ZNRF2: variants seen among roughly 807,000 people sequenced by gnomAD.
ZNRF2 encodes zinc and ring finger 2.
A neutral mutation model predicts 20.4 loss-of-function variants in ZNRF2; 16 were observed. The ratio of observed to expected loss-of-function variants is 0.79; its 90% confidence interval spans 0.53 to 1.19. The LOEUF (loss-of-function observed/expected upper bound fraction) is 1.19, where lower values mean the gene tolerates loss of function less well. Among genes scored for constraint, ZNRF2 ranks in the 50% most tolerant of loss-of-function variants. The pLI is 0.00. For synonymous variants in ZNRF2, 178 were observed against 144.9 expected, an observed-to-expected ratio of 1.23 and a Z score of -1.64; for missense variants, 363 against 332.4, an observed-to-expected ratio of 1.09 and a Z score of -0.72.
At chr7:30,308,025 C>G (rs2128059394) in intron 1 of ZNRF2, among the ~76,000 whole-genome samples, 1 of 152,262 alleles carries the variant, frequency 6.6e-6, no homozygotes, top group Non-Finnish European at 1.5e-5. Flanking sequence ...CAGAAATCCT[C>G]CCCTTTGTTT....
rs766732305 is a variant in ZNRF2, at chr7:30,367,469, G to A, written c.*1457G>A. On this transcript the variant is annotated 3_prime_UTR_variant, in exon 5 of 5. Coordinates refer to ENST00000323037, the MANE Select transcript of ZNRF2 (RefSeq NM_147128.4). ...ACTTGGTATAATTTAAAGTTGCACA[G>A]TAAGTACTGTTTCCTTATTTTAATC... 3.3e-5 allele frequency: 5 copies of A among 152,272 alleles called. No homozygotes were observed. Among genetic ancestry groups the A allele is most frequent in the Admixed American group, 6.6e-5 (1 of 15,246 alleles). The allele number at this position is 152,272 out of a possible 1,614,324, so 9.4% of individuals were successfully genotyped here.
intron 2 of ZNRF2, among the ~76,000 whole-genome samples, chr7:30,354,399 C>T (rs1403422203): frequency 1.3e-5 from 2 of 152,172 alleles, no homozygotes; most frequent in African/African-American, 2.4e-5. Flanking sequence ...TTACCTCCTC[C>T]AGCATTCTGA....
At chr7:30,333,839 C>T (rs749408842) in intron 2 of ZNRF2, among the ~76,000 whole-genome samples, 3 of 152,046 alleles carry the variant, frequency 2.0e-5, no homozygotes, top group Non-Finnish European at 4.4e-5. Context: ...TTGCCCACTT[C>T]TTAAGGGGGT....
chr7:30,295,050 AGTGTGTGT>A (rs71536219), intron 1 of ZNRF2, among the ~76,000 whole-genome samples: 476 of 38,088 alleles, frequency 0.012, 14 homozygotes, highest in African/African-American at 0.046. Flanking sequence ...AGAGAGAGAG[AGTGTGTGT>A]GTGTGTGTGT....
intron 1 of ZNRF2, among the ~76,000 whole-genome samples, chr7:30,307,316 GTTTT>G (rs372358892): frequency 2.9e-5 from 2 of 68,096 alleles, no homozygotes; most frequent in South Asian, 1.1e-3. Flanking sequence ...TCTTTCTGCT[GTTTT>G]TTTTTGTTTT....
intron 1 of ZNRF2, among the ~76,000 whole-genome samples, chr7:30,293,591 C>T (rs560399394): frequency 6.6e-6 from 1 of 152,282 alleles, no homozygotes; most frequent in East Asian, 1.9e-4. Flanking sequence ...AACAAAGATA[C>T]ACTTTTGTTC....
intron 2 of ZNRF2, among the ~76,000 whole-genome samples, chr7:30,334,325 A>T (rs1259666701): frequency 6.6e-6 from 1 of 152,016 alleles, no homozygotes; most frequent in Non-Finnish European, 1.5e-5. Flanking sequence ...TTTATTTCAG[A>T]GGTCTCTAGT....
rs892027618 is a variant in ZNRF2, at chr7:30,366,429, CTT to C, written c.*419_*420del. ...TGTTTTGTTTTTTAATTTGGGGTCT[CTT>C]TGTTTTCCCCAACATAATGTTCATA... On this transcript the variant is annotated 3_prime_UTR_variant, in exon 5 of 5. Transcript: ENST00000323037. 1 of 152,538 alleles carries C rather than the reference CTT, an allele frequency of 6.6e-6. No individual in the cohort carries two copies. The highest frequency in any genetic ancestry group is 1.5e-5 in the Non-Finnish European group (1 of 67,984). 9.4% of individuals were successfully genotyped at this position (152,538 alleles called of 1,614,324 possible).
chr7:30,320,532 A>G (rs761134563), intron 1 of ZNRF2, among the ~76,000 whole-genome samples: 1 of 152,158 alleles, frequency 6.6e-6, no homozygotes, highest in Non-Finnish European at 1.5e-5. Context: ...TGTAGAAACT[A>G]TACTTTGAAT....
chr7:30,315,875 AGT>A (rs1233226310), intron 1 of ZNRF2, among the ~76,000 whole-genome samples: 1 of 152,124 alleles, frequency 6.6e-6, no homozygotes. Context: ...TTTGAGTGAT[AGT>A]GTGTGTCATG....
chr7:30,318,631 G>A (rs1215923666), intron 1 of ZNRF2, among the ~76,000 whole-genome samples: 1 of 152,126 alleles, frequency 6.6e-6, no homozygotes, highest in Non-Finnish European at 1.5e-5. Context: ...TTTCTAGGAG[G>A]AAACAATGTA....
intron 2 of ZNRF2, among the ~76,000 whole-genome samples, chr7:30,344,192 G>A (rs1230956924): frequency 6.6e-6 from 1 of 150,950 alleles, no homozygotes; most frequent in Non-Finnish European, 1.5e-5. Flanking sequence ...AGAGTGCTGG[G>A]ATTACAGGCG....
intron 1 of ZNRF2, among the ~76,000 whole-genome samples, chr7:30,303,474 A>G (rs925862482): frequency 5.3e-5 from 8 of 152,118 alleles, no homozygotes; most frequent in Non-Finnish European, 1.0e-4. Flanking sequence ...TGGGGTGAAG[A>G]ATGAGAATTT....
intron 2 of ZNRF2, among the ~76,000 whole-genome samples, chr7:30,325,004 C>T (rs770499558): frequency 2.0e-5 from 3 of 152,080 alleles, no homozygotes; most frequent in Non-Finnish European, 4.4e-5. Context: ...AGCTCTGGAG[C>T]GAACTGGTAT....
rs117597061 is a variant in ZNRF2, at chr7:30,294,427, T to C, written c.469+8601T>C. On this transcript the variant is annotated intron_variant, in intron 1 of 4. Transcript: ENST00000323037. The stretch of plus-strand genomic sequence containing the variant: ...CTTTTACTTGGAAGTTATTTTAAAG[T>C]GTGGCTTTATTGTGGTGGTCCTTAC... Among the ~76,000 whole-genome samples, 955 of 152,314 alleles carry C rather than the reference T, an allele frequency of 6.3e-3. 3 individuals carry two copies. Among genetic ancestry groups the C allele is most frequent in the Non-Finnish European group, 0.011 (767 of 68,022 alleles).
At chr7:30,299,292 G>A (rs897219109) in intron 1 of ZNRF2, among the ~76,000 whole-genome samples, 1 of 152,078 alleles carries the variant, frequency 6.6e-6, no homozygotes, top group African/African-American at 2.4e-5. Flanking sequence ...AGTGACGCAT[G>A]CCTGTAATCC....
chr7:30,311,766 C>T (rs868587044), intron 1 of ZNRF2, among the ~76,000 whole-genome samples: 13 of 152,120 alleles, frequency 8.5e-5, no homozygotes, highest in Non-Finnish European at 1.6e-4. Context: ...ACTGGTAACA[C>T]TGAGTCCAAT....
chr7:30,339,703 C>T (rs555671036), intron 2 of ZNRF2, among the ~76,000 whole-genome samples: 3 of 152,246 alleles, frequency 2.0e-5, no homozygotes, highest in Non-Finnish European at 2.9e-5. Flanking sequence ...AGTGTGATGC[C>T]TCCAGCTTTG....
intron 2 of ZNRF2, among the ~76,000 whole-genome samples, chr7:30,350,221 C>G (rs138594657): frequency 4.9e-4 from 74 of 152,098 alleles, no homozygotes; most frequent in African/African-American, 1.8e-3. Flanking sequence ...ATTTTAGTTA[C>G]ATTTTCTTGG....
Sources: allele counts gnomAD v4.1 joint callset (sites outside exome capture counted in the v4.1 genomes callset), GRCh38; gene constraint gnomAD v4.1.1; transcripts MANE v1.5; gene names NCBI Gene and HGNC (gene_info 2026-07-23, HGNC 2026-07-21).